CACNA2D3: variants seen among roughly 807,000 people sequenced by gnomAD.
The protein encoded by CACNA2D3 is calcium voltage-gated channel auxiliary subunit alpha2delta 3, also known as voltage-dependent calcium channel subunit alpha-2/delta-3.
Under a neutral mutation model 160.6 loss-of-function variants are expected in CACNA2D3, and 60 were observed. The observed-to-expected ratio is 0.37, with a 90% CI of 0.30 to 0.46. CACNA2D3 has a LOEUF of 0.46. Among genes scored for constraint, CACNA2D3 ranks in the 20% least tolerant of loss-of-function variants. The pLI is 1.00. For missense variants in CACNA2D3, 1,205 were observed against 1,365.0 expected, an observed-to-expected ratio of 0.88 and a Z score of 1.85; for synonymous variants, 558 against 492.9, an observed-to-expected ratio of 1.13 and a Z score of -1.75.
intron 4 of CACNA2D3, among the ~76,000 whole-genome samples, chr3:54,391,016 G>GT (rs1699270690): frequency 7.1e-6 from 1 of 140,690 alleles, no homozygotes. Context: ...AAAATAAAAA[G>GT]TGATTTTGCA....
At chr3:54,320,414 T>C in intron 2 of CACNA2D3, 28 bp from the exon 3 acceptor site, 1 of 1,173,242 alleles carries the variant, frequency 8.5e-7, no homozygotes, top group South Asian at 1.4e-5. Context: ...GTGTCATGTG[T>C]CTTGAATGTT....
chr3:54,634,610 C>T (rs561659207), intron 10 of CACNA2D3: 4 of 151,762 alleles, frequency 2.6e-5, no homozygotes, highest in Non-Finnish European at 4.4e-5. Flanking sequence ...AGGGTGGGGC[C>T]GTTTTATAGG....
At chr3:54,665,541 CCA>C (rs1700048759) in intron 11 of CACNA2D3, among the ~76,000 whole-genome samples, 1 of 23,780 alleles carries the variant, frequency 4.2e-5, no homozygotes. Flanking sequence ...TTCCTCAGCT[CCA>C]TATACTACTG....
intron 4 of CACNA2D3, among the ~76,000 whole-genome samples, chr3:54,483,464 GA>G (rs1267765905): frequency 2.0e-5 from 3 of 152,178 alleles, no homozygotes; most frequent in Admixed American, 1.3e-4. Flanking sequence ...TCTTGCCACA[GA>G]GCAGTTCCCC....
intron 9 of CACNA2D3, among the ~76,000 whole-genome samples, chr3:54,606,064 T>G (rs1349745917): frequency 2.6e-5 from 4 of 152,146 alleles, no homozygotes; most frequent in Non-Finnish European, 5.9e-5. Flanking sequence ...AGGCAGAACA[T>G]AGCAATGAAT....
intron 9 of CACNA2D3, among the ~76,000 whole-genome samples, chr3:54,595,226 A>T (rs1446458783): frequency 6.6e-6 from 1 of 152,040 alleles, no homozygotes; most frequent in Non-Finnish European, 1.5e-5. Flanking sequence ...ATTTATTTCT[A>T]TCCATCTGGG....
intron 11 of CACNA2D3, among the ~76,000 whole-genome samples, chr3:54,657,176 G>A (rs1358621811): frequency 2.6e-5 from 4 of 152,170 alleles, no homozygotes; most frequent in Non-Finnish European, 5.9e-5. Context: ...GTTAAGGCAG[G>A]AATAGGCCAT....
At chr3:54,148,931 C>G (rs963005206) in intron 2 of CACNA2D3, among the ~76,000 whole-genome samples, 1 of 144,420 alleles carries the variant, frequency 6.9e-6, no homozygotes, top group Admixed American at 7.2e-5. Context: ...GAGCTAAGAT[C>G]GTGCCATTGT....
intron 13 of CACNA2D3, among the ~76,000 whole-genome samples, chr3:54,815,134 C>T (rs1461664913): frequency 3.9e-5 from 6 of 152,038 alleles, no homozygotes; most frequent in African/African-American, 1.5e-4. Context: ...TTTTTCTGAA[C>T]TCTTGAAAAG....
chr3:54,149,267 G>GCGCACA (rs111927276), intron 2 of CACNA2D3, among the ~76,000 whole-genome samples: 5 of 144,328 alleles, frequency 3.5e-5, no homozygotes, highest in East Asian at 2.1e-4. Context: ...GGTCCCATGT[G>GCGCACA]CACACACACA....
chr3:54,784,279 A>G (rs772465952), intron 13 of CACNA2D3, among the ~76,000 whole-genome samples: 2 of 152,214 alleles, frequency 1.3e-5, no homozygotes, highest in African/African-American at 4.8e-5. Context: ...TGCAGAGTGC[A>G]GCAGTGATCT....
chr3:54,508,761 G>A (rs1049265653), intron 5 of CACNA2D3, among the ~76,000 whole-genome samples: 3 of 152,146 alleles, frequency 2.0e-5, no homozygotes, highest in Non-Finnish European at 4.4e-5. Context: ...CCCCAGCAGG[G>A]CACCCAGTCG....
chr3:54,699,916 A>G (rs970902256), intron 11 of CACNA2D3, among the ~76,000 whole-genome samples: 1 of 152,216 alleles, frequency 6.6e-6, no homozygotes, highest in African/African-American at 2.4e-5. Flanking sequence ...AACCCAAACT[A>G]TGCCAACCCA....
At chr3:54,682,097 A>G (rs535994981) in intron 11 of CACNA2D3, among the ~76,000 whole-genome samples, 15 of 152,030 alleles carry the variant, frequency 9.9e-5, no homozygotes, top group Non-Finnish European at 1.8e-4. Flanking sequence ...GTGATTGCAA[A>G]GTGTGATGTT....
At chr3:54,408,118 T>C (rs559223791) in intron 4 of CACNA2D3, among the ~76,000 whole-genome samples, 2 of 152,314 alleles carry the variant, frequency 1.3e-5, no homozygotes, top group South Asian at 2.1e-4. Flanking sequence ...TAAGTAATCA[T>C]TTAAATAATT....
intron 2 of CACNA2D3, 104 bp downstream of exon 2, chr3:54,123,698 C>T (rs1171881145): frequency 2.2e-6 from 2 of 907,058 alleles, no homozygotes; most frequent in Admixed American, 3.5e-5. Context: ...CATCAGTTAT[C>T]GGAGGACTCT....
chr3:54,539,721 G>C (rs1701942044), intron 5 of CACNA2D3, among the ~76,000 whole-genome samples: 1 of 152,150 alleles, frequency 6.6e-6, no homozygotes, highest in Non-Finnish European at 1.5e-5. Flanking sequence ...TCAAAGGCTG[G>C]GGCAGGCAGC....
At chr3:54,472,941 A>G (rs1388854294) in intron 4 of CACNA2D3, among the ~76,000 whole-genome samples, 2 of 152,246 alleles carry the variant, frequency 1.3e-5, no homozygotes, top group Non-Finnish European at 2.9e-5. Flanking sequence ...CAGTATCGTG[A>G]AAACGGCCAT....
At chr3:54,312,809 A>G (rs1049056575) in intron 2 of CACNA2D3, among the ~76,000 whole-genome samples, 2 of 152,146 alleles carry the variant, frequency 1.3e-5, no homozygotes, top group Non-Finnish European at 2.9e-5. Flanking sequence ...CCTTTCTTCC[A>G]TGTCACAAAT....
Sources: allele counts gnomAD v4.1 joint callset (sites outside exome capture counted in the v4.1 genomes callset), GRCh38; gene constraint gnomAD v4.1.1; transcripts MANE v1.5; gene names NCBI Gene and HGNC (gene_info 2026-07-23, HGNC 2026-07-21).